Variants in COL11A1 observed in about 807,000 individuals in gnomAD.
COL11A1 encodes collagen type XI alpha 1 chain.
In COL11A1, 74 loss-of-function variants were observed where a neutral mutation model predicts 265.2. The observed-to-expected ratio is 0.28, with a 90% CI of 0.23 to 0.34. COL11A1 has a LOEUF of 0.34. COL11A1 is among the 10% of genes least tolerant of loss of function. The pLI, the probability that COL11A1 is intolerant of heterozygous loss-of-function variation, is 1.00. For synonymous variants in COL11A1, 816 were observed against 727.6 expected (o/e 1.12, Z -1.96); for missense variants, 2,165 against 2,263.6 (o/e 0.96, Z 0.88).
chr1:103,030,412 G>T (rs1221996656), intron 5 of COL11A1, among the ~76,000 whole-genome samples: 1 of 151,936 alleles, frequency 6.6e-6, no homozygotes, highest in Admixed American at 6.6e-5. Context: ...TTGACCCATT[G>T]TAAACAGTAA....
At chr1:102,894,314 G>A (rs34951922) in intron 57 of COL11A1, among the ~76,000 whole-genome samples, 10 of 152,142 alleles carry the variant, frequency 6.6e-5, no homozygotes, top group African/African-American at 1.2e-4. Flanking sequence ...TGGATGGATC[G>A]CTTGAGCCCT....
chr1:103,090,615 C>T (rs757583254), intron 1 of COL11A1, among the ~76,000 whole-genome samples: 16 of 152,134 alleles, frequency 1.1e-4, no homozygotes, highest in Non-Finnish European at 1.9e-4. Flanking sequence ...ATTTACCTCT[C>T]CAAGACTTAG....
intron 6 of COL11A1, 44 bp downstream of exon 6, chr1:103,026,172 C>G: frequency 1.4e-6 from 2 of 1,389,638 alleles, no homozygotes; most frequent in Non-Finnish European, 2.1e-6. Context: ...CACAGGATGA[C>G]GAACAGCAGG....
At chr1:103,023,102 T>C in intron 7 of COL11A1, 106 bp from the exon 8 acceptor site, 1 of 1,204,966 alleles carries the variant, frequency 8.3e-7, no homozygotes, top group Non-Finnish European at 1.2e-6. Context: ...GATGCGATTT[T>C]GTTACTACTC....
intron 3 of COL11A1, among the ~76,000 whole-genome samples, chr1:103,075,229 T>C (rs1468175279): frequency 6.6e-6 from 1 of 152,112 alleles, no homozygotes; most frequent in East Asian, 1.9e-4. Flanking sequence ...TGTAACAGGG[T>C]ATGTCTACTA....
At chr1:102,935,535 C>T (rs1570785357) in intron 44 of COL11A1, among the ~76,000 whole-genome samples, 1 of 152,112 alleles carries the variant, frequency 6.6e-6, no homozygotes, top group Non-Finnish European at 1.5e-5. Flanking sequence ...GGGTTCTATA[C>T]AGATAGAATG....
At chr1:103,050,317 T>A in intron 4 of COL11A1, among the ~76,000 whole-genome samples, 1 of 152,190 alleles carries the variant, frequency 6.6e-6, no homozygotes. Context: ...TTCTTTTTTC[T>A]CTAAACTTCT....
At chr1:102,948,013 A>G (rs1659496946) in intron 41 of COL11A1, among the ~76,000 whole-genome samples, 1 of 151,864 alleles carries the variant, frequency 6.6e-6, no homozygotes, top group East Asian at 1.9e-4. Flanking sequence ...AAACTCAGAG[A>G]AAATTATTTA....
intron 41 of COL11A1, among the ~76,000 whole-genome samples, chr1:102,954,530 C>CTT: frequency 6.6e-6 from 1 of 152,262 alleles, no homozygotes; most frequent in East Asian, 1.9e-4. Flanking sequence ...GGCAAAAACA[C>CTT]GTCTGCTCTG....
At chr1:102,914,624 A>G (rs1655088718) in intron 51 of COL11A1, 80 bp downstream of exon 51, 2 of 1,131,808 alleles carry the variant, frequency 1.8e-6, no homozygotes, top group Non-Finnish European at 2.6e-6. Context: ...CCAGAGTCTC[A>G]GGATTTCAAA....
intron 63 of COL11A1, 147 bp downstream of exon 63, chr1:102,886,660 G>T: frequency 1.7e-6 from 2 of 1,157,736 alleles, no homozygotes; most frequent in Non-Finnish European, 2.5e-6. Context: ...CAGTATAAAT[G>T]ATTTTTTCTG....
intron 4 of COL11A1, among the ~76,000 whole-genome samples, chr1:103,044,039 T>C (rs1240054299): frequency 6.6e-6 from 1 of 152,088 alleles, no homozygotes; most frequent in Non-Finnish European, 1.5e-5. Context: ...TATACAAGGC[T>C]GAAATTAAAT....
intron 57 of COL11A1, among the ~76,000 whole-genome samples, chr1:102,896,034 T>C (rs1307227873): frequency 2.0e-5 from 3 of 151,978 alleles, no homozygotes; most frequent in African/African-American, 7.2e-5. Flanking sequence ...ATTCTTGATT[T>C]GGTGCTACTA....
intron 4 of COL11A1, among the ~76,000 whole-genome samples, chr1:103,050,370 C>G (rs1669706430): frequency 6.6e-6 from 1 of 152,184 alleles, no homozygotes; most frequent in Non-Finnish European, 1.5e-5. Flanking sequence ...ATCACTGATA[C>G]CCTTTCTTCC....
chr1:102,922,645 C>T (rs916237033), intron 47 of COL11A1, among the ~76,000 whole-genome samples: 5 of 152,132 alleles, frequency 3.3e-5, no homozygotes, highest in East Asian at 1.9e-4. Flanking sequence ...GTGATCCGCC[C>T]GCCTCGGCCT....
At chr1:102,999,974 C>T (rs188217444) in intron 24 of COL11A1, among the ~76,000 whole-genome samples, 4 of 151,846 alleles carry the variant, frequency 2.6e-5, no homozygotes, top group South Asian at 4.1e-4. Flanking sequence ...TTTGAACCTA[C>T]AGGCTGGATA....
intron 4 of COL11A1, among the ~76,000 whole-genome samples, chr1:103,068,905 TA>T (rs199632679): frequency 2.0e-5 from 3 of 150,538 alleles, no homozygotes; most frequent in Admixed American, 1.3e-4. Context: ...GAAAACATTG[TA>T]AAAAAAAATT....
intron 8 of COL11A1, 108 bp downstream of exon 8, chr1:103,022,634 A>G: frequency 7.3e-7 from 1 of 1,371,650 alleles, no homozygotes. Flanking sequence ...TAATTTACAT[A>G]AAAATTCAAC....
chr1:103,097,247 T>A (rs1369692573), intron 1 of COL11A1, among the ~76,000 whole-genome samples: 1 of 151,962 alleles, frequency 6.6e-6, no homozygotes, highest in African/African-American at 2.4e-5. Context: ...TCTATCTTTA[T>A]GATCTTGTGT....
Sources: gnomAD v4.1 joint callset for allele counts (sites outside exome capture counted in the v4.1 genomes callset) on GRCh38, gnomAD v4.1.1 for gene constraint, MANE v1.5 for transcripts, NCBI Gene and HGNC (gene_info 2026-07-23, HGNC 2026-07-21) for gene names.